MREG: variants seen among roughly 807,000 people sequenced by gnomAD.
The protein encoded by MREG is dilute suppressor protein homolog.
A neutral mutation model predicts 28.5 loss-of-function variants in MREG; 31 were observed. The ratio of observed to expected loss-of-function variants is 1.09; its 90% CI spans 0.82 to 1.47. The LOEUF is 1.47. MREG is among the 40% of genes most tolerant of loss of function. The pLI is 0.00. For synonymous variants in MREG, 106 were observed against 95.2 expected (o/e 1.11, Z -0.66); for missense variants, 256 against 257.4 (o/e 0.99, Z 0.04).
upstream of MREG, among the ~76,000 whole-genome samples, chr2:216,018,078 A>G (rs973583276): frequency 6.6e-6 from 1 of 151,954 alleles, no homozygotes; most frequent in African/African-American, 2.4e-5. Context: ...CAGGAGAATC[A>G]CTTGAACCCA....
intron 1 of MREG, among the ~76,000 whole-genome samples, chr2:216,003,953 C>G (rs944047479): frequency 4.6e-5 from 7 of 152,192 alleles, no homozygotes; most frequent in African/African-American, 1.7e-4. Context: ...ATATGTAAAT[C>G]AGATCATGTC....
chr2:216,004,998 G>A lies in MREG; in HGVS notation c.95+8235C>T, dbSNP rs115434127. Among the ~76,000 whole-genome samples the A allele has an allele frequency of 6.0e-3, 920 of 152,266 alleles. 10 individuals carry two copies. Among genetic ancestry groups the A allele is most frequent in the African/African-American group, 0.021 (878 of 41,552 alleles). On this transcript the variant is annotated intron_variant, in intron 1 of 4. Transcript: ENST00000263268. ...CAGGGCAGGCAGAAAGTGCAGAGGC[G>A]CTGAGGCAGGGGTGTGGGTGGTATA...
intron 2 of MREG, among the ~76,000 whole-genome samples, chr2:215,975,738 T>A (rs913867202): frequency 1.8e-4 from 27 of 152,126 alleles, no homozygotes; most frequent in African/African-American, 6.3e-4. Context: ...TGGGAAAGTG[T>A]AACTATCAAT....
At chr2:215,970,825 C>T (rs1394551480) in intron 2 of MREG, among the ~76,000 whole-genome samples, 1 of 152,164 alleles carries the variant, frequency 6.6e-6, no homozygotes, top group African/African-American at 2.4e-5. Flanking sequence ...GCTTCAGCTG[C>T]TACAGTGGGT....
chr2:215,961,355 C>T (rs920104531), intron 2 of MREG, among the ~76,000 whole-genome samples: 1 of 58,332 alleles, frequency 1.7e-5, no homozygotes, highest in African/African-American at 6.3e-5. Flanking sequence ...TCTCTCCATG[C>T]CTCATTAGAC....
chr2:216,026,124 A>G (rs1694591227), intron 1 of MREG, among the ~76,000 whole-genome samples: 1 of 152,238 alleles, frequency 6.6e-6, no homozygotes, highest in Non-Finnish European at 1.5e-5. Flanking sequence ...GTCACACATT[A>G]TATGATTCAA....
chr2:215,948,700 G>A (rs1293482927), intron 2 of MREG, among the ~76,000 whole-genome samples: 3 of 152,288 alleles, frequency 2.0e-5, no homozygotes, highest in East Asian at 3.9e-4. Flanking sequence ...GAGTGTCTGG[G>A]TTTGAATCCC....
At chr2:215,993,337 A>G (rs1029904163) in intron 2 of MREG, among the ~76,000 whole-genome samples, 3 of 152,206 alleles carry the variant, frequency 2.0e-5, no homozygotes, top group African/African-American at 7.2e-5. Flanking sequence ...CTGCTATTTA[A>G]TAAATGGTGT....
chr2:215,973,365 A>G (rs1019253294), intron 2 of MREG, among the ~76,000 whole-genome samples: 12 of 152,160 alleles, frequency 7.9e-5, no homozygotes, highest in African/African-American at 2.4e-4. Flanking sequence ...AGATAACACC[A>G]CATGCAGCAT....
intron 1 of MREG, among the ~76,000 whole-genome samples, chr2:216,008,378 G>A (rs1694216983): frequency 6.6e-6 from 1 of 152,212 alleles, no homozygotes; most frequent in Non-Finnish European, 1.5e-5. Context: ...GTTAATAACT[G>A]ATAATCAAAC....
At chr2:216,004,300 T>G (rs1402219750) in intron 1 of MREG, among the ~76,000 whole-genome samples, 1 of 152,200 alleles carries the variant, frequency 6.6e-6, no homozygotes, top group Non-Finnish European at 1.5e-5. Context: ...TCCTACACAC[T>G]TATTTATCTC....
chr2:215,972,465 A>G (rs1489398775), intron 2 of MREG, among the ~76,000 whole-genome samples: 1 of 152,148 alleles, frequency 6.6e-6, no homozygotes, highest in Admixed American at 6.5e-5. Context: ...CAACATGGTG[A>G]AAACCCATTT....
intron 2 of MREG, among the ~76,000 whole-genome samples, chr2:215,961,161 G>A (rs1363775083): frequency 1.3e-5 from 2 of 152,230 alleles, no homozygotes; most frequent in Non-Finnish European, 2.9e-5. Flanking sequence ...TGTGCCCAGC[G>A]GTCTGGCACC....
At chr2:215,952,204 A>G (rs1692508583) in intron 2 of MREG, among the ~76,000 whole-genome samples, 1 of 152,204 alleles carries the variant, frequency 6.6e-6, no homozygotes, top group Non-Finnish European at 1.5e-5. Flanking sequence ...TATCTTGGCT[A>G]TTGTGAATCA....
At chr2:216,031,728 T>A (rs1417416332) in intron 1 of MREG, among the ~76,000 whole-genome samples, 2 of 133,098 alleles carry the variant, frequency 1.5e-5, no homozygotes, top group South Asian at 2.4e-4. Flanking sequence ...ATGAAAAGAA[T>A]TGGATAAAAG....
intron 2 of MREG, among the ~76,000 whole-genome samples, chr2:215,980,083 A>G (rs1185191757): frequency 6.6e-6 from 1 of 152,180 alleles, no homozygotes; most frequent in Non-Finnish European, 1.5e-5. Context: ...AATTTTGACC[A>G]TCACAAGCAC....
intron 2 of MREG, among the ~76,000 whole-genome samples, chr2:215,969,459 G>A (rs1330404803): frequency 6.6e-6 from 1 of 152,090 alleles, no homozygotes; most frequent in Non-Finnish European, 1.5e-5. Flanking sequence ...CAATTTCATG[G>A]GTGCTGGCAA....
chr2:216,009,737 T>C (rs574703758), intron 1 of MREG, among the ~76,000 whole-genome samples: 121 of 152,174 alleles, frequency 8.0e-4, no homozygotes, highest in South Asian at 6.2e-3. Flanking sequence ...GGGTTCACCA[T>C]GTTGGCCAGC....
intron 1 of MREG, among the ~76,000 whole-genome samples, 151 bp from the exon 2 acceptor site, chr2:215,996,616 A>T (rs1389001876): frequency 6.6e-6 from 1 of 152,240 alleles, no homozygotes; most frequent in African/African-American, 2.4e-5. Flanking sequence ...TTAATAATTA[A>T]GCATAACACA....
Sources: gnomAD v4.1 joint callset for allele counts (sites outside exome capture counted in the v4.1 genomes callset) on GRCh38, gnomAD v4.1.1 for gene constraint, MANE v1.5 for transcripts, NCBI Gene and HGNC (gene_info 2026-07-23, HGNC 2026-07-21) for gene names.